Variants in GPC5 observed in about 807,000 individuals in gnomAD.
GPC5 encodes the protein glypican-5.
In GPC5, 47 loss-of-function variants were observed where a neutral mutation model predicts 53.9. The ratio of observed to expected loss-of-function variants is 0.87; its 90% CI spans 0.69 to 1.11. The LOEUF (loss-of-function observed/expected upper bound fraction) is 1.11. Among genes scored for constraint, GPC5 ranks in the 50% most tolerant of loss-of-function variants. The pLI is 0.00. For missense variants in GPC5, 748 were observed against 713.1 expected (o/e 1.05, Z -0.56); for synonymous variants, 286 against 263.3 (o/e 1.09, Z -0.84).
chr13:92,664,844 T>C (rs1886517721), intron 7 of GPC5, among the ~76,000 whole-genome samples: 1 of 152,044 alleles, frequency 6.6e-6, no homozygotes, highest in Non-Finnish European at 1.5e-5. Context: ...TAAGAATCAA[T>C]CTAGATGACT....
intron 5 of GPC5, among the ~76,000 whole-genome samples, chr13:91,816,248 C>CA (rs1290121438): frequency 2.0e-5 from 3 of 152,062 alleles, no homozygotes; most frequent in Non-Finnish European, 4.4e-5. Context: ...TTGTTTTGTT[C>CA]AAAATTGTAT....
intron 2 of GPC5, among the ~76,000 whole-genome samples, chr13:91,467,184 T>C (rs1882294352): frequency 6.6e-6 from 1 of 152,278 alleles, no homozygotes; most frequent in Non-Finnish European, 1.5e-5. Context: ...TTTGCTATGA[T>C]GGAGTTAAGA....
At chr13:92,826,356 C>G (rs1877847206) in intron 7 of GPC5, among the ~76,000 whole-genome samples, 1 of 152,090 alleles carries the variant, frequency 6.6e-6, no homozygotes, top group African/African-American at 2.4e-5. Context: ...AGTTCGGCAG[C>G]TGTGAGCAAA....
chr13:92,797,235 T>A (rs1876717520), intron 7 of GPC5, among the ~76,000 whole-genome samples: 1 of 151,948 alleles, frequency 6.6e-6, no homozygotes, highest in East Asian at 1.9e-4. Flanking sequence ...ATTTACCCAT[T>A]AAATGTAAAA....
chr13:91,843,787 GTTAAA>G (rs929350802), intron 5 of GPC5, among the ~76,000 whole-genome samples: 18 of 151,122 alleles, frequency 1.2e-4, no homozygotes, highest in African/African-American at 4.4e-4. Context: ...CAGATGCAAT[GTTAAA>G]GAAAAGGGGG....
intron 6 of GPC5, among the ~76,000 whole-genome samples, chr13:92,023,947 A>G (rs1282502517): frequency 6.6e-6 from 1 of 152,112 alleles, no homozygotes; most frequent in African/African-American, 2.4e-5. Flanking sequence ...AAGTTGATTT[A>G]ATTCCCATAG....
At chr13:92,138,485 G>A (rs559409497) in intron 6 of GPC5, among the ~76,000 whole-genome samples, 4 of 151,432 alleles carry the variant, frequency 2.6e-5, no homozygotes, top group Admixed American at 6.6e-5. Flanking sequence ...ACACCGCTGC[G>A]CTCCAGGCTG....
chr13:92,608,126 A>G (rs1212479952), intron 7 of GPC5, among the ~76,000 whole-genome samples: 1 of 152,188 alleles, frequency 6.6e-6, no homozygotes, highest in Non-Finnish European at 1.5e-5. Context: ...CATTTATGTT[A>G]TTGGTAAGGC....
intron 2 of GPC5, among the ~76,000 whole-genome samples, chr13:91,585,316 A>T (rs750574227): frequency 5.3e-5 from 8 of 152,214 alleles, no homozygotes; most frequent in Non-Finnish European, 1.0e-4. Flanking sequence ...ATGCATATAC[A>T]TGAAGACTAA....
At chr13:91,636,500 T>C (rs1430215942) in intron 2 of GPC5, among the ~76,000 whole-genome samples, 3 of 152,124 alleles carry the variant, frequency 2.0e-5, no homozygotes, top group African/African-American at 7.2e-5. Flanking sequence ...ATACAATAAG[T>C]CTTTTTGTCC....
At chr13:91,771,450 A>G (rs1204627292) in intron 5 of GPC5, among the ~76,000 whole-genome samples, 3 of 152,220 alleles carry the variant, frequency 2.0e-5, no homozygotes, top group East Asian at 1.9e-4. Context: ...TATTTCATCC[A>G]TGTAAACAAA....
At chr13:92,345,807 G>A (rs2043406523) in intron 7 of GPC5, among the ~76,000 whole-genome samples, 1 of 152,070 alleles carries the variant, frequency 6.6e-6, no homozygotes. Flanking sequence ...GGGGAACAAT[G>A]GGGCTAAAGG....
At chr13:92,381,546 C>T (rs2043738893) in intron 7 of GPC5, among the ~76,000 whole-genome samples, 1 of 152,198 alleles carries the variant, frequency 6.6e-6, no homozygotes, top group South Asian at 2.1e-4. Flanking sequence ...TTCTACACTG[C>T]TTGTGGGAAT....
rs553235964 is a variant in GPC5 at position 92,742,030 on chromosome 13, T to A, written c.1562-124252T>A. On this transcript the variant is annotated intron_variant, in intron 7 of 7. Transcript: ENST00000377067. Reference sequence around the variant, plus strand: ...TCCAAGTCTTTGCTATTGTGAATACTGCCACAATAAACATACGTGTGCATG... The same window carrying A: ...TCCAAGTCTTTGCTATTGTGAATACAGCCACAATAAACATACGTGTGCATG... Among the ~76,000 whole-genome samples the A allele has an allele frequency of 1.1e-3, 160 of 152,210 alleles. 3 individuals are homozygous for A. Among genetic ancestry groups the A allele is most frequent in the African/African-American group, 3.8e-3 (158 of 41,522 alleles).
chr13:92,038,002 C>G (rs1246203058), intron 6 of GPC5, among the ~76,000 whole-genome samples: 3 of 152,004 alleles, frequency 2.0e-5, no homozygotes, highest in Non-Finnish European at 4.4e-5. Flanking sequence ...AGGGTAGATA[C>G]AGAGAAACCC....
chr13:92,589,562 T>C (rs757176549), intron 7 of GPC5, among the ~76,000 whole-genome samples: 1 of 152,208 alleles, frequency 6.6e-6, no homozygotes, highest in Non-Finnish European at 1.5e-5. Flanking sequence ...AAATTGTTAG[T>C]GAGCAGAAGA....
At chr13:92,834,125 CCG>C in intron 7 of GPC5, among the ~76,000 whole-genome samples, 1 of 152,176 alleles carries the variant, frequency 6.6e-6, no homozygotes. Flanking sequence ...TAGCGAGACT[CCG>C]TGATTGATTG....
chr13:91,764,931 G>A (rs1038333388), intron 5 of GPC5, among the ~76,000 whole-genome samples: 2 of 152,188 alleles, frequency 1.3e-5, no homozygotes, highest in South Asian at 2.1e-4. Context: ...GCTTTTGTGT[G>A]CTTAAGACAA....
intron 2 of GPC5, among the ~76,000 whole-genome samples, chr13:91,457,986 A>G (rs1436495024): frequency 6.6e-6 from 1 of 152,182 alleles, no homozygotes; most frequent in Non-Finnish European, 1.5e-5. Context: ...CAAACATAAT[A>G]ACAGATACAA....
Sources: allele counts gnomAD v4.1 joint callset (sites outside exome capture counted in the v4.1 genomes callset), GRCh38; gene constraint gnomAD v4.1.1; transcripts MANE v1.5; gene names NCBI Gene and HGNC (gene_info 2026-07-23, HGNC 2026-07-21).